Variants in CCDC89 observed in about 807,000 individuals in gnomAD.
The protein encoded by CCDC89 is coiled-coil domain-containing protein 89.
CCDC89 carries 28 observed loss-of-function variants against 29.3 expected under a neutral mutation model. That is an observed-to-expected ratio of 0.96 (90% CI 0.71 to 1.31). The LOEUF (loss-of-function observed/expected upper bound fraction) is 1.31, where lower values mean the gene tolerates loss of function less well. Ranked by LOEUF, CCDC89 falls within the 50% of genes most tolerant of loss-of-function variation. The pLI, the probability that CCDC89 is intolerant of heterozygous loss-of-function variation, is 0.00. For missense variants in CCDC89, 484 were observed against 442.3 expected (o/e 1.09, Z -0.85); for synonymous variants, 191 against 179.7 (o/e 1.06, Z -0.51).
chr11:85,684,462 G>C lies in CCDC89; in HGVS notation c.*544C>G, dbSNP rs1233859352. On this transcript the variant is annotated 3_prime_UTR_variant, in exon 1 of 1. Coordinates refer to ENST00000316398, the MANE Select transcript of CCDC89 (RefSeq NM_152723.3). The stretch of plus-strand genomic sequence containing the variant: ...AATAAAATTGACCTTCTTTGTTAAA[G>C]AACTTGATCTCAATCATTTTCCAAG... Among the ~76,000 whole-genome samples the C allele has an allele frequency of 6.6e-6, 1 of 151,974 alleles. No individual in the cohort carries two copies. Among genetic ancestry groups the C allele is most frequent in the Non-Finnish European group, 1.5e-5 (1 of 67,970 alleles).
Position 85,685,699 on chromosome 11 carries a change from C to T in CCDC89, c.432G>A (p.Lys144=), listed in dbSNP as rs1451710641. Residue 144 remains lysine (K), a synonymous_variant, in exon 1 of 1, where the codon AAG becomes AAA. Transcript: ENST00000316398. The stretch of plus-strand genomic sequence containing the variant: ...CCTCCCTCAGCTTGATGTTCTCACT[C>T]TTGTATTCATCCTTGAAGCGGAGCA... ...ELMLRFKDEY[K]SENIKLREEN... is the part of the protein sequence containing the mutation. 1 of 1,614,146 alleles carries T rather than the reference C, an allele frequency of 6.2e-7. No homozygotes were observed. The highest frequency in any genetic ancestry group is 1.7e-5 in the Admixed American group (1 of 60,014).
At position 85,685,442 on chromosome 11, in the gene CCDC89, C is replaced by G. The variant is rs540519153; in HGVS notation, c.689G>C (p.Arg230Pro). 1 of 1,612,898 alleles carries G rather than the reference C, an allele frequency of 6.2e-7. No individual in the cohort carries two copies. The highest frequency in any genetic ancestry group is 1.7e-5 in the Admixed American group (1 of 60,008). ...CTGCTTGAGGGTCTGCAGCTGGCTG[C>G]GCAGCTGTTCTGTCTCCTTGGTGTG... ...CTHTKETEQL[R>P]SQLQTLKQQH... The change falls in exon 1 of 1, where the codon CGC becomes CCC. Residue 230 changes from arginine to proline, a missense_variant. Arg to Pro is a moderately radical substitution (Grantham distance 103). Coordinates refer to ENST00000316398, the MANE Select transcript of CCDC89 (RefSeq NM_152723.3).
Position 85,684,235 on chromosome 11 carries a change from G to A in CCDC89, c.*771C>T, listed in dbSNP as rs111495448. ...ATTTCTGAGTTACTCTATAGATCAC[G>A]TCTGCTATGATTTGTTACCCCAAAT... On this transcript the variant is annotated 3_prime_UTR_variant, in exon 1 of 1. Coordinates refer to ENST00000316398, the MANE Select transcript of CCDC89 (RefSeq NM_152723.3). 3.9e-5 allele frequency among the ~76,000 whole-genome samples: 6 copies of A among 152,038 alleles called. No individual in the cohort carries two copies. Among genetic ancestry groups the A allele is most frequent in the African/African-American group, 1.2e-4 (5 of 41,406 alleles).
chr11:85,685,384 C>A lies in CCDC89; in HGVS notation c.747G>T (p.Lys249Asn), dbSNP rs372528509. Reference protein sequence around the residue: ...QHQQAVEQIAKAEETHSSLSQ... With the variant: ...QHQQAVEQIANAEETHSSLSQ... ...TCAGGCTGCTGTGTGTCTCCTCTGC[C>A]TTAGCTATCTGCTCCACAGCCTGCT... The change falls in exon 1 of 1, where the codon AAG becomes AAT. Residue 249 changes from lysine to asparagine, a missense_variant. By Grantham distance (94) the Lys-to-Asn change is moderately conservative. Coordinates refer to ENST00000316398, the MANE Select transcript of CCDC89 (RefSeq NM_152723.3). 6.2e-7 allele frequency: 1 copy of A among 1,611,088 alleles called. No individual in the cohort carries two copies. Among genetic ancestry groups the A allele is most frequent in the Non-Finnish European group, 8.5e-7 (1 of 1,180,028 alleles).
Position 85,684,300 on chromosome 11 carries a change from A to G in CCDC89, c.*706T>C, listed in dbSNP as rs953852691. The stretch of plus-strand genomic sequence containing the variant: ...TTAGCATATCGTGCAATATTAAATT[A>G]AGCTACTGATATTTGCATTATTGCA... On this transcript the variant is annotated 3_prime_UTR_variant, in exon 1 of 1. Coordinates refer to ENST00000316398, the MANE Select transcript of CCDC89 (RefSeq NM_152723.3). 6.6e-6 allele frequency among the ~76,000 whole-genome samples: 1 copy of G among 152,234 alleles called. No individual in the cohort carries two copies. Among genetic ancestry groups the G allele is most frequent in the African/African-American group, 2.4e-5 (1 of 41,462 alleles).
chr11:85,685,554 G>C lies in CCDC89; in HGVS notation c.577C>G (p.Leu193Val). The part of the protein sequence containing the change: ...CEALTGELET[L>V]KERCAQDACQ... ...GCATCCTGAGCACACCTCTCCTTCA[G>C]CGTTTCTAGCTCCCCAGTGAGGGCC... The change falls in exon 1 of 1, where the codon CTG becomes GTG. Residue 193 changes from leucine (L) to valine (V), a missense_variant. Leu to Val is a conservative substitution (Grantham distance 32, BLOSUM62 1). Coordinates refer to ENST00000316398, the MANE Select transcript of CCDC89 (RefSeq NM_152723.3). 6.2e-7 allele frequency: 1 copy of C among 1,614,154 alleles called. No individual in the cohort carries two copies.
Position 85,684,226 on chromosome 11 carries a change from A to G in CCDC89, c.*780T>C, listed in dbSNP as rs1302509675. On this transcript the variant is annotated 3_prime_UTR_variant, in exon 1 of 1. Coordinates refer to ENST00000316398, the MANE Select transcript of CCDC89 (RefSeq NM_152723.3). The stretch of plus-strand genomic sequence containing the variant: ...AACAAAACAATTTCTGAGTTACTCT[A>G]TAGATCACGTCTGCTATGATTTGTT... Among the ~76,000 whole-genome samples, 7 of 152,348 alleles carry G rather than the reference A, an allele frequency of 4.6e-5. No individual in the cohort carries two copies. The South Asian group carries it at 1.2e-3, about 27-fold the overall frequency.
In CCDC89 at chr11:85,686,079, G is replaced by A; in HGVS notation, c.52C>T (p.Pro18Ser). 6.2e-7 allele frequency: 1 copy of A among 1,614,176 alleles called. No individual in the cohort carries two copies. Among genetic ancestry groups the A allele is most frequent in the Non-Finnish European group, 8.5e-7 (1 of 1,180,032 alleles). ...KQQAPRMDTP[P>S]PEERLEKQNE... ...TGCTTCTCTAAGCGTTCTTCAGGGG[G>A]CGGGGTGTCCATCCTGGGAGCCTGC... Residue 18 changes from proline (P) to serine (S), a missense_variant, in exon 1 of 1, where the codon CCC (proline) becomes TCC (serine). Pro to Ser is a moderately conservative substitution (Grantham distance 74). Transcript: ENST00000316398.
rs559230215 is a variant in CCDC89, at chr11:85,684,049, T to A, written c.*957A>T. ...ATATAACTACCTTTGAGAACTTTTTTAAGAACTTTACATATATATATATCA... is the reference window on the plus strand; with the variant it reads ...ATATAACTACCTTTGAGAACTTTTTAAAGAACTTTACATATATATATATCA... On this transcript the variant is annotated 3_prime_UTR_variant, in exon 1 of 1. Coordinates refer to ENST00000316398, the MANE Select transcript of CCDC89 (RefSeq NM_152723.3). Among the ~76,000 whole-genome samples the A allele has an allele frequency of 2.0e-5, 3 of 152,080 alleles. No individual in the cohort carries two copies. The highest frequency in any genetic ancestry group is 1.9e-4 in the East Asian group (1 of 5,188).
Position 85,685,533 on chromosome 11 carries a change from C to A in CCDC89, c.598G>T (p.Asp200Tyr). The A allele has an allele frequency of 6.2e-7, 1 of 1,614,100 alleles. No individual in the cohort carries two copies. The highest frequency in any genetic ancestry group is 8.5e-7 in the Non-Finnish European group (1 of 1,180,002). The change falls in exon 1 of 1, where the codon GAT (aspartate) becomes TAT (tyrosine). Residue 200 changes from aspartate to tyrosine, a missense_variant. Transcript: ENST00000316398. ...TCGCGCGCCTGTGCCTGGCAGGCATCCTGAGCACACCTCTCCTTCAGCGTT... is the reference window on the plus strand; with the variant it reads ...TCGCGCGCCTGTGCCTGGCAGGCATACTGAGCACACCTCTCCTTCAGCGTT... ...LETLKERCAQ[D>Y]ACQAQAREKE...
Position 85,685,009 on chromosome 11 carries a change from T to C in CCDC89, c.1122A>G (p.Pro374=), listed in dbSNP as rs768418958. The C allele has an allele frequency of 4.4e-5, 71 of 1,608,522 alleles. No homozygotes were observed. Among genetic ancestry groups the C allele is most frequent in the Non-Finnish European group, 5.9e-5 (70 of 1,177,238 alleles). The change falls in exon 1 of 1, where the codon CCA becomes CCG. Residue 374 remains proline, a synonymous_variant. Coordinates refer to ENST00000316398, the MANE Select transcript of CCDC89 (RefSeq NM_152723.3). ...GCCAGAGGAAGCAGAAACTTCCCTATGGAGAGAGATGGCGGAGTTTGCCAT... is the reference window on the plus strand; with the variant it reads ...GCCAGAGGAAGCAGAAACTTCCCTACGGAGAGAGATGGCGGAGTTTGCCAT... ...ELNGKLRHLS[P] is the part of the protein sequence containing the mutation.
chr11:85,684,177 A>G lies in CCDC89; in HGVS notation c.*829T>C, dbSNP rs2082999633. ...GATTTTTTTAAAAAAGGAAAATCTTAATTACAAAAAATATGCTAATAGAAA... is the reference window on the plus strand; with the variant it reads ...GATTTTTTTAAAAAAGGAAAATCTTGATTACAAAAAATATGCTAATAGAAA... On this transcript the variant is annotated 3_prime_UTR_variant, in exon 1 of 1. Transcript: ENST00000316398. Among the ~76,000 whole-genome samples the G allele has an allele frequency of 6.6e-6, 1 of 152,218 alleles. No homozygotes were observed. Among genetic ancestry groups the G allele is most frequent in the Admixed American group, 6.5e-5 (1 of 15,286 alleles).
At position 85,686,028 on chromosome 11, in the gene CCDC89, C is replaced by T. The variant is rs1433508686; in HGVS notation, c.103G>A (p.Glu35Lys). Reference sequence around the variant, plus strand: ...TCCAGTTCCTTAAACTCCGTCTCCTCTTCCTGGTTGTTCAGTTTTTCATTT... The same window carrying T: ...TCCAGTTCCTTAAACTCCGTCTCCTTTTCCTGGTTGTTCAGTTTTTCATTT... ...KQNEKLNNQEEETEFKELDGL... is the reference protein window; with the variant it reads ...KQNEKLNNQEKETEFKELDGL... Residue 35 changes from glutamate to lysine, a missense_variant, in exon 1 of 1, where the codon GAG (glutamate) becomes AAG (lysine). Physicochemically the swap from Glu to Lys is moderately conservative, Grantham distance 56. Coordinates refer to ENST00000316398, the MANE Select transcript of CCDC89 (RefSeq NM_152723.3). 3.1e-6 allele frequency: 5 copies of T among 1,614,096 alleles called. No individual in the cohort carries two copies. The African/African-American group carries it at 6.7e-5, about 22-fold the overall frequency.
Position 85,684,409 on chromosome 11 carries a change from A to T in CCDC89, c.*597T>A, listed in dbSNP as rs2083001723. ...GAAAAAATAAAAGTTGTTTTGTATA[A>T]CTTATTTGAATCATATTGCTCATAC... On this transcript the variant is annotated 3_prime_UTR_variant, in exon 1 of 1. Coordinates refer to ENST00000316398, the MANE Select transcript of CCDC89 (RefSeq NM_152723.3). Among the ~76,000 whole-genome samples, 1 of 152,218 alleles carries T rather than the reference A, an allele frequency of 6.6e-6. No individual in the cohort carries two copies.
Position 85,684,890 on chromosome 11 carries a change from A to T in CCDC89, c.*116T>A. 9.2e-7 allele frequency: 1 copy of T among 1,091,582 alleles called. No homozygotes were observed. The highest frequency in any genetic ancestry group is 1.3e-6 in the Non-Finnish European group (1 of 769,834). 67.6% of individuals were successfully genotyped at this position (1,091,582 alleles called of 1,614,324 possible). On this transcript the variant is annotated 3_prime_UTR_variant, in exon 1 of 1. Coordinates refer to ENST00000316398, the MANE Select transcript of CCDC89 (RefSeq NM_152723.3). Reference sequence around the variant, plus strand: ...ATCATAGTAAAGTAGCTTTTCTTTGAGTTGCCTTTTGTGCTTGAAAGTATA... The same window carrying T: ...ATCATAGTAAAGTAGCTTTTCTTTGTGTTGCCTTTTGTGCTTGAAAGTATA...
rs1565816519 is a variant in CCDC89, at chr11:85,685,862, C to T, written c.269G>A (p.Arg90His). The change falls in exon 1 of 1, where the codon CGC (arginine) becomes CAC (histidine). Residue 90 changes from arginine (R) to histidine (H), a missense_variant. Physicochemically the swap from Arg to His is conservative, Grantham distance 29. Coordinates refer to ENST00000316398, the MANE Select transcript of CCDC89 (RefSeq NM_152723.3). ...LKRRSDEALERCQILELLNAE... is the reference protein window; with the variant it reads ...LKRRSDEALEHCQILELLNAE... ...ATTGAGCAGCTCTAGGATCTGGCAGCGCTCCAGGGCCTCATCTGACCTCCG... is the reference window on the plus strand; with the variant it reads ...ATTGAGCAGCTCTAGGATCTGGCAGTGCTCCAGGGCCTCATCTGACCTCCG... 6.2e-7 allele frequency: 1 copy of T among 1,614,016 alleles called. No individual in the cohort carries two copies. Among genetic ancestry groups the T allele is most frequent in the Admixed American group, 1.7e-5 (1 of 60,006 alleles).
In CCDC89 at chr11:85,685,817, ATCT is replaced by A; in HGVS notation, c.311_313del (p.Lys104del). 1.2e-6 allele frequency: 2 copies of A among 1,614,006 alleles called. No homozygotes were observed. The highest frequency in any genetic ancestry group is 1.3e-5 in the African/African-American group (1 of 74,978). On this transcript the variant is annotated inframe_deletion, in exon 1 of 1. Coordinates refer to ENST00000316398, the MANE Select transcript of CCDC89 (RefSeq NM_152723.3). ...CTTGAGCTTCTCAGCCTCCTGCATC[ATCT>A]TCTCCTCCAGCTCTGCATTGAGCAG...
rs750301529 is a variant in CCDC89, at chr11:85,685,180, C to T, written c.951G>A (p.Glu317=). The T allele has an allele frequency of 7.4e-6, 12 of 1,614,220 alleles. 1 individual carries two copies. In the South Asian group the frequency reaches 1.2e-4, roughly 16 times the overall value. ...RKHALERFEQ[E]AVAVDSNLRV... is the part of the protein sequence containing the mutation. ...TCAAGTTGCTGTCCACAGCCACTGC[C>T]TCTTGCTCAAACCGCTCCAGCGCAT... is the stretch of plus-strand genomic sequence containing the variant. Residue 317 remains glutamate, a synonymous_variant, in exon 1 of 1, where the codon GAG becomes GAA. Transcript: ENST00000316398.
rs2083004929 is a variant in CCDC89 at position 85,684,889 on chromosome 11, G to A, written c.*117C>T. On this transcript the variant is annotated 3_prime_UTR_variant, in exon 1 of 1. Transcript: ENST00000316398. ...TATCATAGTAAAGTAGCTTTTCTTT[G>A]AGTTGCCTTTTGTGCTTGAAAGTAT... The A allele has an allele frequency of 1.8e-6, 2 of 1,084,112 alleles. No homozygotes were observed. The highest frequency in any genetic ancestry group is 2.6e-6 in the Non-Finnish European group (2 of 764,036). The allele number at this position is 1,084,112 out of a possible 1,614,324, so 67.2% of individuals were successfully genotyped here.
Sources: gnomAD v4.1 joint callset for allele counts (sites outside exome capture counted in the v4.1 genomes callset) on GRCh38, gnomAD v4.1.1 for gene constraint, MANE v1.5 for transcripts, NCBI Gene and HGNC (gene_info 2026-07-23, HGNC 2026-07-21) for gene names.